Variants in NTN4 observed in about 807,000 individuals in gnomAD.
NTN4 encodes the protein netrin-4.
NTN4 carries 32 observed loss-of-function variants against 73.6 expected under a neutral mutation model. That is an observed-to-expected ratio of 0.44 (90% CI 0.33 to 0.58). The LOEUF is 0.58. Among genes scored for constraint, NTN4 ranks in the 20% least tolerant of loss-of-function variants. NTN4 has a pLI of 0.04. For missense variants in NTN4, 654 were observed against 798.3 expected, an observed-to-expected ratio of 0.82 and a Z score of 2.18; for synonymous variants, 258 against 287.5, an observed-to-expected ratio of 0.90 and a Z score of 1.04.
At chr12:95,779,764 T>A (rs2079119352) in intron 2 of NTN4, among the ~76,000 whole-genome samples, 1 of 152,064 alleles carries the variant, frequency 6.6e-6, no homozygotes, top group African/African-American at 2.4e-5. Context: ...GCCATCCCCA[T>A]CAAGCTACCA....
chr12:95,698,302 C>T (rs1331807436), intron 5 of NTN4, among the ~76,000 whole-genome samples: 1 of 152,210 alleles, frequency 6.6e-6, no homozygotes, highest in Non-Finnish European at 1.5e-5. Context: ...AGGTCTGGTC[C>T]ATGACAGCCA....
At chr12:95,753,819 G>T (rs2078927749) in intron 2 of NTN4, among the ~76,000 whole-genome samples, 1 of 152,008 alleles carries the variant, frequency 6.6e-6, no homozygotes, top group African/African-American at 2.4e-5. Context: ...CTCCTGTATA[G>T]ACGCTCCTTT....
chr12:95,713,415 T>C, intron 3 of NTN4, 77 bp from the exon 4 acceptor site: 2 of 1,423,162 alleles, frequency 1.4e-6, no homozygotes, highest in South Asian at 3.3e-5. Context: ...CACAATCTAA[T>C]CTCATGGATT....
chr12:95,784,511 G>C (rs2079154022), intron 2 of NTN4, among the ~76,000 whole-genome samples: 1 of 152,148 alleles, frequency 6.6e-6, no homozygotes, highest in African/African-American at 2.4e-5. Flanking sequence ...ACTCACACCT[G>C]TAATCCCAGC....
chr12:95,679,645 C>T (rs766992947), intron 7 of NTN4, among the ~76,000 whole-genome samples: 2 of 152,162 alleles, frequency 1.3e-5, no homozygotes, highest in Non-Finnish European at 2.9e-5. Flanking sequence ...TTGGAAAAAC[C>T]TCAACCCAGC....
chr12:95,768,933 T>A (rs1405576202), intron 2 of NTN4, among the ~76,000 whole-genome samples: 1 of 152,146 alleles, frequency 6.6e-6, no homozygotes, highest in East Asian at 1.9e-4. Context: ...CTTTTTGCTT[T>A]GATGAGCTTC....
intron 3 of NTN4, among the ~76,000 whole-genome samples, chr12:95,724,143 C>T (rs2078672411): frequency 6.6e-6 from 1 of 152,136 alleles, no homozygotes; most frequent in African/African-American, 2.4e-5. Context: ...CTAGCTTCCT[C>T]TTTTCAGTAT....
chr12:95,698,667 T>C (rs2078459608), intron 5 of NTN4, among the ~76,000 whole-genome samples: 1 of 152,034 alleles, frequency 6.6e-6, no homozygotes, highest in Non-Finnish European at 1.5e-5. Flanking sequence ...CTGGGGAACA[T>C]AGTGAGACCC....
chr12:95,724,228 A>T (rs1565897302), intron 3 of NTN4, among the ~76,000 whole-genome samples: 2 of 152,226 alleles, frequency 1.3e-5, no homozygotes, highest in Non-Finnish European at 2.9e-5. Flanking sequence ...GCATTAGACT[A>T]AGAATTGTAA....
chr12:95,757,923 A>G (rs750351192), intron 2 of NTN4, among the ~76,000 whole-genome samples: 26 of 152,236 alleles, frequency 1.7e-4, no homozygotes, highest in Non-Finnish European at 2.8e-4. Flanking sequence ...AGGAAAGAGC[A>G]TGAGACAAGT....
chr12:95,738,542 G>C (rs1300650291), intron 2 of NTN4, among the ~76,000 whole-genome samples: 1 of 152,204 alleles, frequency 6.6e-6, no homozygotes, highest in Non-Finnish European at 1.5e-5. Flanking sequence ...GAGAGTGGCT[G>C]GAGAGGCGGA....
chr12:95,713,477 G>A (rs1456193090), intron 3 of NTN4, 139 bp from the exon 4 acceptor site: 2 of 886,660 alleles, frequency 2.3e-6, no homozygotes, highest in Middle Eastern at 3.5e-4. Flanking sequence ...TAGCCATCAA[G>A]AGGAGAGATG....
intron 5 of NTN4, among the ~76,000 whole-genome samples, chr12:95,697,179 C>CA (rs35893418): frequency 0.2 from 25,774 of 129,420 alleles, 2,456 homozygotes; most frequent in South Asian, 0.27. Flanking sequence ...AACCCTGTCT[C>CA]AAAAAAAAAA....
chr12:95,738,211 T>C (rs2078796021), intron 2 of NTN4, 67 bp from the exon 3 acceptor site: 1 of 1,401,406 alleles, frequency 7.1e-7, no homozygotes, highest in East Asian at 2.3e-5. Context: ...GTTTGCCTAA[T>C]GTAGTCCCTG....
chr12:95,677,949 A>G (rs1233162215), intron 7 of NTN4, among the ~76,000 whole-genome samples: 1 of 152,240 alleles, frequency 6.6e-6, no homozygotes, highest in Non-Finnish European at 1.5e-5. Flanking sequence ...ATGACCATCA[A>G]TGATAGACTG....
At chr12:95,712,974 C>T in intron 4 of NTN4, among the ~76,000 whole-genome samples, 1 of 151,802 alleles carries the variant, frequency 6.6e-6, no homozygotes, top group East Asian at 1.9e-4. Context: ...TTAGCTCCCA[C>T]AAAGTATCCA....
At chr12:95,741,445 A>C (rs2078824646) in intron 2 of NTN4, among the ~76,000 whole-genome samples, 2 of 107,572 alleles carry the variant, frequency 1.9e-5, no homozygotes, top group South Asian at 2.8e-4. Flanking sequence ...ATATATATAT[A>C]TATATATATA....
intron 3 of NTN4, among the ~76,000 whole-genome samples, chr12:95,715,713 T>C (rs1047257392): frequency 1.3e-5 from 2 of 152,184 alleles, no homozygotes; most frequent in African/African-American, 4.8e-5. Flanking sequence ...TATCTGATTT[T>C]TCCTATCCAT....
Position 95,683,904 on chromosome 12 carries a change from G to A in NTN4, c.1181-193C>T, listed in dbSNP as rs1352659542. On this transcript the variant is annotated intron_variant, in intron 5 of 9. Coordinates refer to ENST00000343702, the MANE Select transcript of NTN4 (RefSeq NM_021229.4). ...AGATAAGCGAGATATAATCAGAAAA[G>A]CATGTCTGCTGCAAAAATAAACACA... 3.3e-5 allele frequency among the ~76,000 whole-genome samples: 5 copies of A among 152,344 alleles called. No homozygotes were observed. The East Asian group carries it at 9.6e-4, about 29-fold the overall frequency.
Sources: gnomAD v4.1 joint callset for allele counts (sites outside exome capture counted in the v4.1 genomes callset) on GRCh38, gnomAD v4.1.1 for gene constraint, MANE v1.5 for transcripts, NCBI Gene and HGNC (gene_info 2026-07-23, HGNC 2026-07-21) for gene names.